CCNB1IP1: variants seen among roughly 807,000 people sequenced by gnomAD.
The protein encoded by CCNB1IP1 is cyclin B1 interacting protein 1, also known as E3 ubiquitin-protein ligase CCNB1IP1.
Under a neutral mutation model 25.6 loss-of-function variants are expected in CCNB1IP1, and 14 were observed. The observed-to-expected ratio is 0.55, with a 90% CI of 0.36 to 0.85. The LOEUF (loss-of-function observed/expected upper bound fraction) is 0.85, where lower values mean the gene tolerates loss of function less well. Among genes scored for constraint, CCNB1IP1 ranks in the 40% least tolerant of loss-of-function variants. The probability of loss-of-function intolerance (pLI) is 0.01; values close to 1 mark genes in which losing one functional copy is unlikely to be tolerated. For synonymous variants in CCNB1IP1, 119 were observed against 116.1 expected, an observed-to-expected ratio of 1.02 and a Z score of -0.16; for missense variants, 278 against 342.4, an observed-to-expected ratio of 0.81 and a Z score of 1.48.
At position 20,311,673 on chromosome 14, in the gene CCNB1IP1, T is replaced by TG. The variant is rs1361158600; in HGVS notation, c.710dup (p.Phe238IlefsTer10). 1 of 1,614,050 alleles carries TG rather than the reference T, an allele frequency of 6.2e-7. No individual in the cohort carries two copies. The highest frequency in any genetic ancestry group is 8.5e-7 in the Non-Finnish European group (1 of 1,179,988). ...GTGCTGTGGGAGAACCCGCAAAAAA[T>TG]GGTCTGAACTGAAAATCTCCATCTC... On this transcript the variant is annotated frameshift_variant, in exon 7 of 7. Transcript: ENST00000358932. LOFTEE classifies it high-confidence loss of function.
chr14:20,333,028 A>C (rs1883299582), intron 1 of CCNB1IP1: 1 of 152,214 alleles, frequency 6.6e-6, no homozygotes, highest in Middle Eastern at 3.2e-3. Context: ...GGTCACCAGG[A>C]CTCGGAGACG....
At chr14:20,327,182 T>C (rs1335198250) in intron 2 of CCNB1IP1, among the ~76,000 whole-genome samples, 2 of 152,114 alleles carry the variant, frequency 1.3e-5, no homozygotes, top group Admixed American at 1.3e-4. Flanking sequence ...AACTGCACAA[T>C]AGTCTAACCA....
intron 6 of CCNB1IP1, among the ~76,000 whole-genome samples, chr14:20,312,535 A>G (rs893450157): frequency 6.6e-6 from 1 of 151,978 alleles, no homozygotes; most frequent in Non-Finnish European, 1.5e-5. Flanking sequence ...CTCCTCCCCT[A>G]TTAAATCTTT....
chr14:20,324,563 G>A (rs112048465), intron 4 of CCNB1IP1, among the ~76,000 whole-genome samples: 201 of 152,212 alleles, frequency 1.3e-3, no homozygotes, highest in African/African-American at 4.5e-3. Flanking sequence ...AGAAATATAC[G>A]CATGGATTCT....
At chr14:20,328,216 A>G (rs1883134828) in intron 2 of CCNB1IP1, among the ~76,000 whole-genome samples, 1 of 152,198 alleles carries the variant, frequency 6.6e-6, no homozygotes, top group South Asian at 2.1e-4. Context: ...CCTAACTAGT[A>G]AGAGCTAGGA....
At chr14:20,317,207 G>A (rs186208854) in intron 4 of CCNB1IP1, among the ~76,000 whole-genome samples, 1 of 151,938 alleles carries the variant, frequency 6.6e-6, no homozygotes, top group Non-Finnish European at 1.5e-5. Flanking sequence ...TCAGGAGTTC[G>A]AGACCAGCCT....
At chr14:20,311,782 T>G (rs145167929) in intron 6 of CCNB1IP1, 30 bp from the exon 7 acceptor site, 3 of 1,481,276 alleles carry the variant, frequency 2.0e-6, no homozygotes, top group Admixed American at 1.7e-5. Context: ...AAAACATAAT[T>G]TTATTCATTT....
At chr14:20,313,357 C>T (rs1242098873) in intron 6 of CCNB1IP1, 111 bp downstream of exon 6, 5 of 807,796 alleles carry the variant, frequency 6.2e-6, no homozygotes, top group South Asian at 2.4e-5. Flanking sequence ...CCTACCACAA[C>T]TCAATGCTTG....
chr14:20,317,710 C>A (rs747255407), intron 4 of CCNB1IP1: 2 of 152,218 alleles, frequency 1.3e-5, no homozygotes, highest in African/African-American at 4.8e-5. Flanking sequence ...TTTAGAGAAA[C>A]AGACCCACAG....
chr14:20,327,987 A>G (rs978987208), intron 2 of CCNB1IP1, among the ~76,000 whole-genome samples: 1 of 152,220 alleles, frequency 6.6e-6, no homozygotes, highest in Middle Eastern at 3.2e-3. Flanking sequence ...AATTGGCAGT[A>G]CAAACATAGA....
intron 4 of CCNB1IP1, chr14:20,317,933 T>A (rs1882767015): frequency 6.6e-6 from 1 of 152,248 alleles, no homozygotes; most frequent in South Asian, 2.1e-4. Context: ...CGAAGCATCC[T>A]GGGACCTGCC....
chr14:20,317,850 C>A (rs7155699), intron 4 of CCNB1IP1: 30,584 of 152,300 alleles, frequency 0.2, 3,627 homozygotes, highest in South Asian at 0.33. Context: ...GCTCCACAAG[C>A]GAAGATTCCA....
At chr14:20,324,209 C>T (rs1025063588) in intron 4 of CCNB1IP1, among the ~76,000 whole-genome samples, 4 of 151,956 alleles carry the variant, frequency 2.6e-5, no homozygotes, top group Non-Finnish European at 4.4e-5. Flanking sequence ...TTTTCTGAGA[C>T]GAAGTCTAGC....
chr14:20,326,437 T>G (rs752342329), intron 3 of CCNB1IP1: 5 of 531,030 alleles, frequency 9.4e-6, no homozygotes, highest in South Asian at 7.1e-5. Context: ...TGCAGGTGTT[T>G]GCCCCTAGCT....
chr14:20,323,010 A>T (rs909173683), intron 4 of CCNB1IP1, among the ~76,000 whole-genome samples: 1 of 152,182 alleles, frequency 6.6e-6, no homozygotes, highest in Admixed American at 6.5e-5. Context: ...AACATGAATG[A>T]CTTTAGAGTA....
rs1882705472 is a variant in CCNB1IP1, at chr14:20,316,575, A to T, written c.-37-15T>A. The T allele has an allele frequency of 6.8e-7, 1 of 1,468,498 alleles. No homozygotes were observed. The highest frequency in any genetic ancestry group is 9.3e-7 in the Non-Finnish European group (1 of 1,073,990). The allele number at this position is 1,468,498 out of a possible 1,614,324, so 91.0% of individuals were successfully genotyped here. A position where few individuals can be genotyped will look rare whatever the true frequency, so the allele number is the denominator to read the frequency against. On this transcript the variant is annotated splice_polypyrimidine_tract_variant and intron_variant, in intron 4 of 6. Coordinates refer to ENST00000358932, the MANE Select transcript of CCNB1IP1 (RefSeq NM_021178.5). ...TGAAGAGAGGCCTAAGAAGGGGTAA[A>T]TAAAAAGGCCAAGTAAGTTAAATTG...
intron 5 of CCNB1IP1, chr14:20,315,905 T>C (rs776939556): frequency 2.8e-4 from 126 of 456,906 alleles, no homozygotes; most frequent in Non-Finnish European, 4.5e-4. Flanking sequence ...ATACCAGATA[T>C]AATATACTGT....
intron 4 of CCNB1IP1, among the ~76,000 whole-genome samples, 197 bp from the exon 5 acceptor site, chr14:20,316,757 G>C (rs61995511): frequency 1.3e-5 from 2 of 152,084 alleles, no homozygotes; most frequent in Non-Finnish European, 2.9e-5. Flanking sequence ...TTCTAAAAAC[G>C]CTTTAAGGAC....
chr14:20,321,392 C>T (rs1882890078), intron 4 of CCNB1IP1, among the ~76,000 whole-genome samples: 1 of 152,110 alleles, frequency 6.6e-6, no homozygotes, highest in Non-Finnish European at 1.5e-5. Context: ...CAGTTGTTTA[C>T]TGTTTTTAGA....
Sources: gnomAD v4.1 joint callset for allele counts (sites outside exome capture counted in the v4.1 genomes callset) on GRCh38, gnomAD v4.1.1 for gene constraint, MANE v1.5 for transcripts, NCBI Gene and HGNC (gene_info 2026-07-23, HGNC 2026-07-21) for gene names.